The following ARPP21 variants were observed in gnomAD, a reference collection of about 807,000 sequenced individuals.
ARPP21 encodes the protein cAMP regulated phosphoprotein 21.
In ARPP21, 69 loss-of-function variants were observed where a neutral mutation model predicts 113.2. That is an observed-to-expected ratio of 0.61 (90% CI 0.50 to 0.74). The LOEUF is 0.74. Ranked by LOEUF, ARPP21 falls within the 30% of genes least tolerant of loss-of-function variation. ARPP21 has a pLI of 0.00. For synonymous variants in ARPP21, 368 were observed against 375.5 expected (o/e 0.98, Z 0.23); for missense variants, 1,070 against 1,037.4 (o/e 1.03, Z -0.43).
At chr3:35,712,192 T>C (rs920488668) in intron 11 of ARPP21, among the ~76,000 whole-genome samples, 20 of 152,190 alleles carry the variant, frequency 1.3e-4, no homozygotes, top group Non-Finnish European at 2.9e-4. Context: ...ATTAAATCAA[T>C]TAGAGAACAA....
intron 12 of ARPP21, among the ~76,000 whole-genome samples, chr3:35,716,077 G>T (rs2092349996): frequency 1.3e-5 from 2 of 151,992 alleles, no homozygotes; most frequent in Admixed American, 1.3e-4. Flanking sequence ...AAAATTTAAA[G>T]AAAATCTTGG....
At chr3:35,658,735 G>A (rs948388666) in intron 1 of ARPP21, among the ~76,000 whole-genome samples, 1 of 152,014 alleles carries the variant, frequency 6.6e-6, no homozygotes, top group Non-Finnish European at 1.5e-5. Flanking sequence ...TGCCTTTTAG[G>A]TTCTTTTCTG....
At chr3:35,665,446 C>G (rs1043816295) in intron 1 of ARPP21, among the ~76,000 whole-genome samples, 2 of 152,106 alleles carry the variant, frequency 1.3e-5, no homozygotes, top group African/African-American at 4.8e-5. Context: ...CATGGACACT[C>G]TAAAAATATC....
At position 35,794,370 on chromosome 3, in the gene ARPP21, G is replaced by T; in HGVS notation, c.*412G>T. On this transcript the variant is annotated 3_prime_UTR_variant, in exon 21 of 21. Coordinates refer to ENST00000684406, the MANE Select transcript of ARPP21 (RefSeq NM_001385562.1). ...AGCAAAGAAGAATTGATGAATTGAA[G>T]GAATAATTTATATACATTATAGAGT... 1 of 191,810 alleles carries T rather than the reference G, an allele frequency of 5.2e-6. No homozygotes were observed. The highest frequency in any genetic ancestry group is 1.1e-5 in the Non-Finnish European group (1 of 91,204). 11.9% of individuals were successfully genotyped at this position (191,810 alleles called of 1,614,324 possible). A position where few individuals can be genotyped will look rare whatever the true frequency, so the allele number is the denominator to read the frequency against.
chr3:35,754,204 T>A (rs924144672), intron 19 of ARPP21, among the ~76,000 whole-genome samples: 1 of 151,990 alleles, frequency 6.6e-6, no homozygotes, highest in Non-Finnish European at 1.5e-5. Context: ...TAAAAAGATG[T>A]ATTTTCCTAA....
At chr3:35,765,791 A>G (rs1329169149) in intron 19 of ARPP21, among the ~76,000 whole-genome samples, 1 of 152,210 alleles carries the variant, frequency 6.6e-6, no homozygotes, top group African/African-American at 2.4e-5. Context: ...ATGGTTAAGC[A>G]TAAGAACTAA....
At chr3:35,739,243 T>C (rs35497369) in intron 17 of ARPP21, 74 bp from the exon 18 acceptor site, 409,203 of 1,529,816 alleles carry the variant, frequency 0.27, 56,954 homozygotes, top group South Asian at 0.31. Flanking sequence ...ATGTGTCCTG[T>C]GTCTGCCTCA....
chr3:35,723,669 A>G (rs1180156144), intron 14 of ARPP21, among the ~76,000 whole-genome samples: 1 of 152,222 alleles, frequency 6.6e-6, no homozygotes, highest in Non-Finnish European at 1.5e-5. Context: ...TTTTTAAATT[A>G]ATAGTCATTC....
intron 5 of ARPP21, chr3:35,685,927 T>C (rs1342626458): frequency 5.1e-6 from 2 of 392,998 alleles, no homozygotes; most frequent in African/African-American, 2.2e-5. Context: ...CACCGTAATA[T>C]ATATGCATAG....
intron 13 of ARPP21, among the ~76,000 whole-genome samples, chr3:35,720,611 TA>T (rs1399517852): frequency 6.6e-6 from 1 of 152,196 alleles, no homozygotes; most frequent in African/African-American, 2.4e-5. Context: ...CATTAAACCT[TA>T]AGGTATTTTA....
At chr3:35,677,884 A>C (rs1441772701) in intron 1 of ARPP21, among the ~76,000 whole-genome samples, 1 of 151,986 alleles carries the variant, frequency 6.6e-6, no homozygotes, top group Non-Finnish European at 1.5e-5. Context: ...TTCTCAGCAA[A>C]GAGAACAATT....
At chr3:35,698,064 G>C (rs2084762808) in intron 9 of ARPP21, among the ~76,000 whole-genome samples, 1 of 151,538 alleles carries the variant, frequency 6.6e-6, no homozygotes, top group Non-Finnish European at 1.5e-5. Context: ...CATCTGACTA[G>C]TTGCCAAAGA....
At chr3:35,684,088 G>T (rs565138148) in intron 5 of ARPP21, 2 of 1,558,516 alleles carry the variant, frequency 1.3e-6, no homozygotes, top group Non-Finnish European at 1.7e-6. Context: ...TAAAAAGTAG[G>T]CACAGTAGTG....
chr3:35,790,003 G>A (rs1194700270), intron 19 of ARPP21, among the ~76,000 whole-genome samples: 1 of 152,128 alleles, frequency 6.6e-6, no homozygotes, highest in Non-Finnish European at 1.5e-5. Context: ...ATAATCTTCA[G>A]ACGCTAAGCA....
chr3:35,721,483 AG>A, intron 13 of ARPP21, 121 bp from the exon 14 acceptor site: 1 of 629,118 alleles, frequency 1.6e-6, no homozygotes. Flanking sequence ...TTTAATGAAA[AG>A]GGTTGGCAGG....
At chr3:35,673,925 T>C (rs1194132671) in intron 1 of ARPP21, among the ~76,000 whole-genome samples, 1 of 151,992 alleles carries the variant, frequency 6.6e-6, no homozygotes, top group East Asian at 1.9e-4. Flanking sequence ...AAAATGCCTT[T>C]TTTCTTTGTG....
intron 13 of ARPP21, 71 bp downstream of exon 13, chr3:35,717,428 T>A (rs1305971844): frequency 1.1e-6 from 1 of 919,490 alleles, no homozygotes; most frequent in Non-Finnish European, 1.8e-6. Context: ...TAAATATTAG[T>A]GTACTCGTGT....
intron 19 of ARPP21, among the ~76,000 whole-genome samples, chr3:35,748,654 A>G (rs2095283913): frequency 6.6e-6 from 1 of 152,212 alleles, no homozygotes; most frequent in African/African-American, 2.4e-5. Flanking sequence ...TCAGATATTG[A>G]AATGAAGTGT....
chr3:35,649,701 C>G (rs28524645), intron 1 of ARPP21, among the ~76,000 whole-genome samples: 24,265 of 151,934 alleles, frequency 0.16, 2,322 homozygotes, highest in African/African-American at 0.27. Context: ...TTAACAAATT[C>G]AAGACTTTCA....
Sources: gnomAD v4.1 joint callset for allele counts (sites outside exome capture counted in the v4.1 genomes callset) on GRCh38, gnomAD v4.1.1 for gene constraint, MANE v1.5 for transcripts, NCBI Gene and HGNC (gene_info 2026-07-23, HGNC 2026-07-21) for gene names.